Variants in PPM1H observed in about 807,000 individuals in gnomAD.
PPM1H encodes protein phosphatase, Mg2+/Mn2+ dependent 1H.
A neutral mutation model predicts 54.9 loss-of-function variants in PPM1H; 27 were observed. The ratio of observed to expected loss-of-function variants is 0.49; its 90% CI spans 0.36 to 0.68. The LOEUF is 0.68. Ranked by LOEUF, PPM1H falls within the 30% of genes least tolerant of loss-of-function variation. The pLI is 0.00. For missense variants in PPM1H, 596 were observed against 667.8 expected, an observed-to-expected ratio of 0.89 and a Z score of 1.19; for synonymous variants, 305 against 270.8, an observed-to-expected ratio of 1.13 and a Z score of -1.24.
intron 8 of PPM1H, among the ~76,000 whole-genome samples, chr12:62,673,715 CTTTTTTTTT>C (rs567775927): frequency 4.8e-4 from 20 of 41,968 alleles, no homozygotes; most frequent in South Asian, 1.5e-3. Flanking sequence ...AAGAGCCACT[CTTTTTTTTT>C]TTTTTTTTTT....
At chr12:62,759,952 T>A (rs2076498357) in intron 4 of PPM1H, among the ~76,000 whole-genome samples, 1 of 152,052 alleles carries the variant, frequency 6.6e-6, no homozygotes, top group Non-Finnish European at 1.5e-5. Flanking sequence ...TCTCTCCATG[T>A]CTCTACCCTT....
chr12:62,846,904 G>T (rs1868992244), intron 1 of PPM1H, among the ~76,000 whole-genome samples: 1 of 152,200 alleles, frequency 6.6e-6, no homozygotes, highest in African/African-American at 2.4e-5. Flanking sequence ...GTGTCTTGGG[G>T]AGGTTAATGG....
chr12:62,772,397 A>C (rs974884888), intron 4 of PPM1H, among the ~76,000 whole-genome samples: 1 of 152,194 alleles, frequency 6.6e-6, no homozygotes, highest in Non-Finnish European at 1.5e-5. Flanking sequence ...CATCCTTCAC[A>C]TAGAGAGCTA....
intron 2 of PPM1H, among the ~76,000 whole-genome samples, chr12:62,820,895 G>A (rs755833438): frequency 4.6e-5 from 7 of 152,166 alleles, no homozygotes; most frequent in African/African-American, 1.2e-4. Flanking sequence ...CTCCAGCAAC[G>A]GAACAAAGCT....
chr12:62,761,638 T>C (rs1392836102), intron 4 of PPM1H, among the ~76,000 whole-genome samples: 1 of 152,120 alleles, frequency 6.6e-6, no homozygotes, highest in African/African-American at 2.4e-5. Context: ...TTATAGGCCC[T>C]CATTTCCCCA....
chr12:62,672,252 C>T (rs372577776), intron 8 of PPM1H, among the ~76,000 whole-genome samples: 14 of 152,140 alleles, frequency 9.2e-5, no homozygotes, highest in East Asian at 1.9e-4. Flanking sequence ...ATTGCTTTTG[C>T]GAGAGCAACC....
intron 1 of PPM1H, among the ~76,000 whole-genome samples, chr12:62,846,665 A>T (rs1868983031): frequency 6.6e-6 from 1 of 152,022 alleles, no homozygotes; most frequent in Admixed American, 6.6e-5. Flanking sequence ...CCCAGTTGCT[A>T]CATACCACGA....
At position 62,746,983 on chromosome 12, in the gene PPM1H, G is replaced by A. The variant is rs764312123; in HGVS notation, c.870-9397C>T. Among the ~76,000 whole-genome samples the A allele has an allele frequency of 8.3e-4, 126 of 152,168 alleles. 2 individuals are homozygous for A. The highest frequency in any genetic ancestry group is 1.6e-3 in the Non-Finnish European group (112 of 67,994). ...TTTTCTTTTTTTGAGACAGGATCTC[G>A]TTCTGTTGCCCAGGCTGGAGTGCAG... On this transcript the variant is annotated intron_variant, in intron 4 of 9. Transcript: ENST00000228705.
intron 2 of PPM1H, among the ~76,000 whole-genome samples, chr12:62,831,824 T>C (rs571617676): frequency 3.2e-4 from 49 of 151,742 alleles, no homozygotes; most frequent in African/African-American, 1.2e-3. Context: ...TGTATATATA[T>C]ATATGCACAC....
At chr12:62,742,119 C>T (rs1203105262) in intron 4 of PPM1H, among the ~76,000 whole-genome samples, 2 of 151,980 alleles carry the variant, frequency 1.3e-5, no homozygotes, top group Non-Finnish European at 2.9e-5. Flanking sequence ...ACCATGTTTA[C>T]TTTGTTTTTT....
chr12:62,913,501 T>C (rs1234326104), intron 1 of PPM1H, among the ~76,000 whole-genome samples: 1 of 152,122 alleles, frequency 6.6e-6, no homozygotes, highest in Non-Finnish European at 1.5e-5. Flanking sequence ...TCGCTTTCCT[T>C]TCCAGCTCTC....
intron 4 of PPM1H, chr12:62,755,685 C>A: frequency 1.5e-6 from 1 of 669,794 alleles, no homozygotes; most frequent in Admixed American, 2.2e-5. Context: ...CCTGTATCAC[C>A]AACTGCTTAG....
chr12:62,781,824 C>T (rs2076644625), intron 4 of PPM1H, among the ~76,000 whole-genome samples: 1 of 152,146 alleles, frequency 6.6e-6, no homozygotes, highest in African/African-American at 2.4e-5. Context: ...TGAGCCATCA[C>T]TTGGTTTCTG....
At position 62,755,596 on chromosome 12, in the gene PPM1H, TCTG is replaced by T. The variant is rs1485464400; in HGVS notation, c.870-18013_870-18011del. 140 of 656,928 alleles carry T rather than the reference TCTG, an allele frequency of 2.1e-4. 1 individual carries two copies. Among genetic ancestry groups the T allele is most frequent in the South Asian group, 1.2e-3 (71 of 60,336 alleles). The allele number at this position is 656,928 out of a possible 1,614,324, so 40.7% of individuals were successfully genotyped here. On this transcript the variant is annotated intron_variant, in intron 4 of 9. Transcript: ENST00000228705. ...CAAAAGGGTCATCATCTCTGCCCCT[TCTG>T]CTGACACCCCCATGTCTGTGATGGG...
chr12:62,740,377 C>A (rs549585933), intron 4 of PPM1H, among the ~76,000 whole-genome samples: 2 of 152,306 alleles, frequency 1.3e-5, no homozygotes, highest in African/African-American at 2.4e-5. Context: ...ACCAGGGATA[C>A]AACTTCTTCT....
intron 6 of PPM1H, among the ~76,000 whole-genome samples, chr12:62,714,519 T>A (rs527332301): frequency 6.6e-6 from 1 of 152,226 alleles, no homozygotes; most frequent in South Asian, 2.1e-4. Context: ...TCTAATGGGA[T>A]CTGTCTTTTC....
At chr12:62,925,512 G>T (rs999789458) in intron 1 of PPM1H, among the ~76,000 whole-genome samples, 3 of 152,162 alleles carry the variant, frequency 2.0e-5, no homozygotes, top group African/African-American at 7.2e-5. Flanking sequence ...GGGGAGGCAG[G>T]TGTTGTAGTG....
intron 4 of PPM1H, among the ~76,000 whole-genome samples, chr12:62,762,598 G>A (rs991073876): frequency 1.3e-5 from 2 of 152,212 alleles, no homozygotes; most frequent in African/African-American, 4.8e-5. Flanking sequence ...GCTAGGGGGA[G>A]GATGCTAAGT....
chr12:62,697,643 T>C (rs750348360), intron 6 of PPM1H, among the ~76,000 whole-genome samples: 1 of 152,154 alleles, frequency 6.6e-6, no homozygotes, highest in African/African-American at 2.4e-5. Flanking sequence ...TGGGGGAAGA[T>C]AGGAGAGTGA....
Sources: allele counts gnomAD v4.1 joint callset (sites outside exome capture counted in the v4.1 genomes callset), GRCh38; gene constraint gnomAD v4.1.1; transcripts MANE v1.5; gene names NCBI Gene and HGNC (gene_info 2026-07-23, HGNC 2026-07-21).